The following HSD3B2 variants were observed in gnomAD, a reference collection of about 807,000 sequenced individuals.
The protein encoded by HSD3B2 is hydroxy-delta-5-steroid dehydrogenase, 3 beta- and steroid delta-isomerase 2.
HSD3B2 carries 8 observed loss-of-function variants against 9.9 expected under a neutral mutation model. That is an observed-to-expected ratio of 0.81 (90% CI 0.47 to 1.46). HSD3B2 has a LOEUF of 1.46. HSD3B2 is among the 40% of genes most tolerant of loss of function. The pLI, the probability that HSD3B2 is intolerant of heterozygous loss-of-function variation, is 0.00. For synonymous variants in HSD3B2, 221 were observed against 184.5 expected (o/e 1.20, Z -1.60); for missense variants, 410 against 448.3 (o/e 0.91, Z 0.77).
rs1651930916 is a variant in HSD3B2 at position 119,422,760 on chromosome 1, T to C, written c.*140T>C. ...CTTTCACACAATGCCCAACTTACTG[T>C]CTTCTTCATGTCATCAAAATCTGCA... is the stretch of plus-strand genomic sequence containing the variant. On this transcript the variant is annotated 3_prime_UTR_variant, in exon 4 of 4. Coordinates refer to ENST00000369416, the MANE Select transcript of HSD3B2 (RefSeq NM_000198.4). 2.0e-6 allele frequency: 2 copies of C among 1,003,802 alleles called. No individual in the cohort carries two copies. Among genetic ancestry groups the C allele is most frequent in the Non-Finnish European group, 3.0e-6 (2 of 656,580 alleles). 62.2% of individuals were successfully genotyped at this position (1,003,802 alleles called of 1,614,324 possible). A position where few individuals can be genotyped will look rare whatever the true frequency, so the allele number is the denominator to read the frequency against.
chr1:119,415,904 T>G (rs1208191970), intron 2 of HSD3B2, among the ~76,000 whole-genome samples: 1 of 152,172 alleles, frequency 6.6e-6, no homozygotes, highest in African/African-American at 2.4e-5. Flanking sequence ...TGTGCGACAT[T>G]CACAAAGGAC....
Position 119,421,508 on chromosome 1 carries a change from TATAC to T in HSD3B2, c.308-299_308-296del, listed in dbSNP as rs1188989621. On this transcript the variant is annotated intron_variant, in intron 3 of 3. Transcript: ENST00000369416. ...ATATATTTTATAATATATATATATA[TATAC>T]ACACACGTATACATACACACACACA... Among the ~76,000 whole-genome samples the T allele has an allele frequency of 4.4e-4, 54 of 122,128 alleles. 2 individuals are homozygous for T. The East Asian group carries it at 5.0e-3, about 11-fold the overall frequency. The allele number at this position is 122,128 out of a possible 152,430, so 80.1% of individuals were successfully genotyped here.
In HSD3B2 at chr1:119,422,878, T is replaced by C. The variant is rs1461911829; in HGVS notation, c.*258T>C. The C allele has an allele frequency of 1.1e-5, 6 of 566,478 alleles. No individual in the cohort carries two copies. Among genetic ancestry groups the C allele is most frequent in the Non-Finnish European group, 1.9e-5 (6 of 316,598 alleles). 35.1% of individuals were successfully genotyped at this position (566,478 alleles called of 1,614,324 possible). On this transcript the variant is annotated 3_prime_UTR_variant, in exon 4 of 4. Coordinates refer to ENST00000369416, the MANE Select transcript of HSD3B2 (RefSeq NM_000198.4). ...GTTACCAAATCTCAGTGGCTGATTC[T>C]GAACAATTGTGGTCTCTCTTAACTT...
rs754235844 is a variant in HSD3B2, at chr1:119,419,401, G to C, written c.143-17G>C. The stretch of plus-strand genomic sequence containing the variant: ...GATCCAGAAATCTTTCCAATGACCT[G>C]ACCTGTGTTCACACAGAGCTCCAGA... On this transcript the variant is annotated splice_polypyrimidine_tract_variant and intron_variant, in intron 2 of 3. Transcript: ENST00000369416. The C allele has an allele frequency of 3.4e-5, 55 of 1,613,428 alleles. No homozygotes were observed. Among genetic ancestry groups the C allele is most frequent in the Non-Finnish European group, 4.6e-5 (54 of 1,179,650 alleles).
At position 119,422,391 on chromosome 1, in the gene HSD3B2, T is replaced by C. The variant is rs756147663; in HGVS notation, c.890T>C (p.Leu297Pro). Residue 297 changes from leucine (L) to proline (P), a missense_variant, in exon 4 of 4, where the codon CTG becomes CCG. Physicochemically the swap from Leu to Pro is moderately conservative, Grantham distance 98 (BLOSUM62 -3). Transcript: ENST00000369416. Reference protein sequence around the residue: ...LTLMYWIGFLLEVVSFLLSPI... With the variant: ...LTLMYWIGFLPEVVSFLLSPI... Reference sequence around the variant, plus strand: ...CTGATGTACTGGATTGGCTTCCTGCTGGAAGTAGTGAGCTTCCTACTCAGC... The same window carrying C: ...CTGATGTACTGGATTGGCTTCCTGCCGGAAGTAGTGAGCTTCCTACTCAGC... 3.1e-6 allele frequency: 5 copies of C among 1,614,058 alleles called. No homozygotes were observed. Among genetic ancestry groups the C allele is most frequent in the Non-Finnish European group, 8.5e-7 (1 of 1,180,018 alleles).
At position 119,415,383 on chromosome 1, in the gene HSD3B2, C is replaced by T. The variant is rs1651674084; in HGVS notation, c.-37C>T. On this transcript the variant is annotated 5_prime_UTR_variant, in exon 2 of 4. Transcript: ENST00000369416. ...ATCTGCTCTCCAGCATCTTCTGTTT[C>T]CTGGCAAGTGTTTCCTGCTACTTTG... The T allele has an allele frequency of 1.2e-6, 2 of 1,611,966 alleles. No individual in the cohort carries two copies. Among genetic ancestry groups the T allele is most frequent in the Non-Finnish European group, 1.7e-6 (2 of 1,178,738 alleles).
At chr1:119,421,783 ACT>A in intron 3 of HSD3B2, 24 bp from the exon 4 acceptor site, 2 of 1,612,966 alleles carry the variant, frequency 1.2e-6, no homozygotes. Context: ...ATTTCCTGAC[ACT>A]GTCATCATGC....
intron 3 of HSD3B2, among the ~76,000 whole-genome samples, chr1:119,421,253 T>A (rs1651847898): frequency 6.6e-6 from 1 of 151,404 alleles, no homozygotes; most frequent in Non-Finnish European, 1.5e-5. Context: ...AGCCTCCTGA[T>A]TTTTTAGATT....
Position 119,419,435 on chromosome 1 carries a change from A to G in HSD3B2, c.160A>G (p.Lys54Glu), listed in dbSNP as rs372260820. The G allele has an allele frequency of 6.2e-7, 1 of 1,613,778 alleles. No homozygotes were observed. Among genetic ancestry groups the G allele is most frequent in the African/African-American group, 1.3e-5 (1 of 75,008 alleles). The change falls in exon 3 of 4, where the codon AAG becomes GAG. Residue 54 changes from lysine (K) to glutamate (E), a missense_variant. Transcript: ENST00000369416. ...EEFSKLQNRT[K>E]LTVLEGDILD... ...TCACACAGAGCTCCAGAACAGGACC[A>G]AGCTGACTGTACTTGAAGGAGACAT...
At position 119,422,600 on chromosome 1, in the gene HSD3B2, C is replaced by A. The variant is rs1460082239; in HGVS notation, c.1099C>A (p.Leu367Met). Residue 367 changes from leucine (L) to methionine (M), a missense_variant, in exon 4 of 4, where the codon CTG becomes ATG. Coordinates refer to ENST00000369416, the MANE Select transcript of HSD3B2 (RefSeq NM_000198.4). The stretch of plus-strand genomic sequence containing the variant: ...CCTTGTGGACCGGCACAAGGAGACC[C>A]TGAAGTCCAAGACTCAGTGATTTAA... The part of the protein sequence containing the change: ...GSLVDRHKET[L>M]KSKTQ 6.2e-7 allele frequency: 1 copy of A among 1,613,902 alleles called. No homozygotes were observed. Among genetic ancestry groups the A allele is most frequent in the Non-Finnish European group, 8.5e-7 (1 of 1,179,992 alleles).
Position 119,422,413 on chromosome 1 carries a change from C to A in HSD3B2, c.912C>A (p.Leu304=), listed in dbSNP as rs1651915148. 1.2e-6 allele frequency: 2 copies of A among 1,614,012 alleles called. No homozygotes were observed. The highest frequency in any genetic ancestry group is 3.3e-5 in the Admixed American group (2 of 60,002). Residue 304 remains leucine (L), a synonymous_variant, in exon 4 of 4, where the codon CTC becomes CTA. Coordinates refer to ENST00000369416, the MANE Select transcript of HSD3B2 (RefSeq NM_000198.4). ...TGCTGGAAGTAGTGAGCTTCCTACTCAGCCCAATTTACTCCTATCAACCCC... is the reference window on the plus strand; with the variant it reads ...TGCTGGAAGTAGTGAGCTTCCTACTAAGCCCAATTTACTCCTATCAACCCC... ...GFLLEVVSFL[L]SPIYSYQPPF... is the part of the protein sequence containing the mutation.
In HSD3B2 at chr1:119,415,561, A is replaced by G; in HGVS notation, c.142A>G (p.Lys48Glu). The change falls in exon 2 of 4, where the codon AAG becomes GAG. Residue 48 changes from lysine (K) to glutamate (E), a missense_variant and splice_region_variant. Physicochemically the swap from Lys to Glu is moderately conservative, Grantham distance 56 (BLOSUM62 1). Transcript: ENST00000369416. ...FRPELREEFS[K>E]LQNRTKLTVL... ...ACCAGAATTGAGAGAGGAATTTTCT[A>G]GTAAGTAAACTTGAGTCATGGGTCT... The G allele has an allele frequency of 6.2e-7, 1 of 1,613,712 alleles. No individual in the cohort carries two copies. Among genetic ancestry groups the G allele is most frequent in the Non-Finnish European group, 8.5e-7 (1 of 1,179,710 alleles).
Position 119,419,572 on chromosome 1 carries a change from C to A in HSD3B2, c.297C>A (p.Val99=), listed in dbSNP as rs1166337432. ...CTCACAGAGAGTCCATCATGAATGT[C>A]AATGTGAAAGGTACAGTAGCCTGGG... ...GVTHRESIMN[V]NVKGTQLLLE... Residue 99 remains valine (V), a synonymous_variant, in exon 3 of 4, where the codon GTC becomes GTA. Transcript: ENST00000369416. The A allele has an allele frequency of 6.2e-7, 1 of 1,613,662 alleles. No homozygotes were observed. The highest frequency in any genetic ancestry group is 8.5e-7 in the Non-Finnish European group (1 of 1,179,752).
At position 119,422,678 on chromosome 1, in the gene HSD3B2, C is replaced by G; in HGVS notation, c.*58C>G. On this transcript the variant is annotated 3_prime_UTR_variant, in exon 4 of 4. Transcript: ENST00000369416. The stretch of plus-strand genomic sequence containing the variant: ...TGTTAGGAAATGTCATCAAACTCCA[C>G]CCACCTGGCTTCATACAGAAGGCAA... 6.3e-7 allele frequency: 1 copy of G among 1,595,944 alleles called. No homozygotes were observed. Among genetic ancestry groups the G allele is most frequent in the Non-Finnish European group, 8.5e-7 (1 of 1,169,776 alleles).
rs1651917086 is a variant in HSD3B2 at position 119,422,471 on chromosome 1, A to T, written c.970A>T (p.Ser324Cys). ...CCGCCACACAGTCACATTATCAAAT[A>T]GTGTGTTCACCTTCTCTTACAAGAA... The part of the protein sequence containing the change: ...FNRHTVTLSN[S>C]VFTFSYKKAQ... The change falls in exon 4 of 4, where the codon AGT (serine) becomes TGT (cysteine). Residue 324 changes from serine (S) to cysteine (C), a missense_variant. Physicochemically the swap from Ser to Cys is moderately radical, Grantham distance 112. Transcript: ENST00000369416. The T allele has an allele frequency of 1.2e-6, 2 of 1,613,954 alleles. No homozygotes were observed. Among genetic ancestry groups the T allele is most frequent in the Admixed American group, 3.3e-5 (2 of 59,990 alleles).
chr1:119,421,615 G>A (rs1374834454), intron 3 of HSD3B2, among the ~76,000 whole-genome samples, 194 bp from the exon 4 acceptor site: 2 of 150,772 alleles, frequency 1.3e-5, no homozygotes, highest in Non-Finnish European at 2.9e-5. Context: ...CCAAATGTCA[G>A]TTTCTTTTTA....
At chr1:119,419,319 C>G in intron 2 of HSD3B2, 99 bp from the exon 3 acceptor site, 2 of 1,141,360 alleles carry the variant, frequency 1.8e-6, no homozygotes, top group Non-Finnish European at 2.6e-6. Flanking sequence ...AATACCCACA[C>G]TCTAATCTCT....
Position 119,422,012 on chromosome 1 carries a change from T to C in HSD3B2, c.511T>C (p.Trp171Arg). ...AEKAVLAANG[W>R]NLKNGDTLYT... is the part of the protein sequence containing the mutation. ...GAAGGCTGTGCTGGCGGCTAATGGG[T>C]GGAATCTAAAAAATGGTGATACCTT... Residue 171 changes from tryptophan to arginine, a missense_variant, in exon 4 of 4, where the codon TGG becomes CGG. By Grantham distance (101) the Trp-to-Arg change is moderately radical. Coordinates refer to ENST00000369416, the MANE Select transcript of HSD3B2 (RefSeq NM_000198.4). The C allele has an allele frequency of 6.2e-7, 1 of 1,613,992 alleles. No homozygotes were observed. The highest frequency in any genetic ancestry group is 1.1e-5 in the South Asian group (1 of 91,074).
rs2101350511 is a variant in HSD3B2, at chr1:119,422,360, T to C, written c.859T>C (p.Leu287=). 2 of 1,614,192 alleles carry C rather than the reference T, an allele frequency of 1.2e-6. No individual in the cohort carries two copies. Among genetic ancestry groups the C allele is most frequent in the African/African-American group, 1.3e-5 (1 of 75,072 alleles). Residue 287 remains leucine, a synonymous_variant, in exon 4 of 4, where the codon TTA becomes CTA. Coordinates refer to ENST00000369416, the MANE Select transcript of HSD3B2 (RefSeq NM_000198.4). The part of the protein sequence containing the change: ...LRLDSRWSLP[L]TLMYWIGFLL... ...CCTTGATTCCAGATGGAGCCTTCCT[T>C]TAACCCTGATGTACTGGATTGGCTT...
Sources: allele counts gnomAD v4.1 joint callset (sites outside exome capture counted in the v4.1 genomes callset), GRCh38; gene constraint gnomAD v4.1.1; transcripts MANE v1.5; gene names NCBI Gene and HGNC (gene_info 2026-07-23, HGNC 2026-07-21).